The following SRSF1 variants were observed in gnomAD, a reference collection of about 807,000 sequenced individuals.
SRSF1 encodes serine and arginine rich splicing factor 1.
SRSF1 carries 1 observed loss-of-function variant against 25.9 expected under a neutral mutation model. That is an observed-to-expected ratio of 0.04 (90% CI 0.01 to 0.18). The LOEUF is 0.18. Ranked by LOEUF, SRSF1 falls within the 10% of genes least tolerant of loss-of-function variation. SRSF1 has a pLI of 1.00. For missense variants in SRSF1, 65 were observed against 350.5 expected (o/e 0.19, Z 6.50); for synonymous variants, 132 against 126.2 (o/e 1.05, Z -0.31).
chr17:57,997,639 T>G (rs1022179964), downstream of SRSF1, among the ~76,000 whole-genome samples: 1 of 152,196 alleles, frequency 6.6e-6, no homozygotes, highest in African/African-American at 2.4e-5. Context: ...GAAACCAGCT[T>G]TAACACTTCA....
Position 58,005,839 on chromosome 17 carries a change from C to T in SRSF1, c.514G>A (p.Val172Ile). 1 of 1,614,174 alleles carries T rather than the reference C, an allele frequency of 6.2e-7. No individual in the cohort carries two copies. Among genetic ancestry groups the T allele is most frequent in the East Asian group, 2.2e-5 (1 of 44,888 alleles). Residue 172 changes from valine (V) to isoleucine (I), a missense_variant, in exon 3 of 4, where the codon GTT becomes ATT. Around this residue, in one of 2 missense-constraint regions of SRSF1, gnomAD observed 63 missense variants for 284.8 expected, o/e 0.22. Transcript: ENST00000258962. The surrounding 1 kb of genome is among the most constrained non-coding windows in gnomAD (Gnocchi z 5.2). ...AACTTAGTGTTATCCAGTTTTCGAA[C>T]TGCATAGGTCATATCTTCTTTCCGT... ...FVRKEDMTYA[V>I]RKLDNTKFRS...
chr17:57,996,258 G>A (rs752064014), downstream of SRSF1, among the ~76,000 whole-genome samples: 12 of 152,092 alleles, frequency 7.9e-5, no homozygotes, highest in Non-Finnish European at 1.3e-4. Context: ...GCCGAAGCGG[G>A]CAGATCACGA....
rs1432253907 is a variant in SRSF1, at chr17:58,002,069, CATTA to C, written c.*3333_*3336del. On this transcript the variant is annotated 3_prime_UTR_variant, in exon 4 of 4. Transcript: ENST00000258962. ...GCTCACATTAACCTTCCAAAATTAT[CATTA>C]ATCATTTATTTTCCCTTTAATAATC... Among the ~76,000 whole-genome samples, 4 of 152,170 alleles carry C rather than the reference CATTA, an allele frequency of 2.6e-5. No individual in the cohort carries two copies. Among genetic ancestry groups the C allele is most frequent in the Non-Finnish European group, 1.5e-5 (1 of 68,024 alleles).
Position 58,006,511 on chromosome 17 carries a change from C to T in SRSF1, c.211G>A (p.Val71Met), listed in dbSNP as rs2075428970. ...TAATCATAGCCGTCGCGACCATACA[C>T]CGCGTCTTCCGCGTCTCTGCGGGAT... ...FEDPRDAEDAVYGRDGYDYDG... is the reference protein window; with the variant it reads ...FEDPRDAEDAMYGRDGYDYDG... The change falls in exon 2 of 4, where the codon GTG becomes ATG. Residue 71 changes from valine (V) to methionine (M), a missense_variant. Physicochemically the swap from Val to Met is conservative, Grantham distance 21. Around this residue, in one of 2 missense-constraint regions of SRSF1, gnomAD observed 63 missense variants for 284.8 expected, o/e 0.22. Coordinates refer to ENST00000258962, the MANE Select transcript of SRSF1 (RefSeq NM_006924.5). 6.2e-7 allele frequency: 1 copy of T among 1,612,570 alleles called. No homozygotes were observed. Among genetic ancestry groups the T allele is most frequent in the Non-Finnish European group, 8.5e-7 (1 of 1,179,412 alleles).
At chr17:57,992,498 A>T in the SRSF1 span, 21 of 152,304 alleles carry the variant, frequency 1.4e-4, no homozygotes, top group Non-Finnish European at 2.6e-4. Flanking sequence ...TAAAAAAAAT[A>T]AAAAAATAAA....
downstream of SRSF1, among the ~76,000 whole-genome samples, chr17:58,000,719 T>C (rs1478187398): frequency 1.3e-5 from 2 of 152,170 alleles, no homozygotes; most frequent in African/African-American, 4.8e-5. Context: ...CTGTGTATGC[T>C]AGTACAGTTC....
downstream of SRSF1, among the ~76,000 whole-genome samples, chr17:57,996,483 T>TAAAAAAAAAAA (rs10677825): frequency 1.0e-3 from 72 of 72,360 alleles, 2 homozygotes; most frequent in African/African-American, 3.5e-3. Context: ...GACACTGTCT[T>TAAAAAAAAAAA]AAAAAAAAAA....
chr17:58,002,510 T>C lies in SRSF1; in HGVS notation c.*2896A>G, dbSNP rs766647320. The stretch of plus-strand genomic sequence containing the variant: ...CTAAATAGTACCAAGGGGCTGTCAG[T>C]AGACAAATACAAGAAGTAGCAGGCT... On this transcript the variant is annotated 3_prime_UTR_variant, in exon 4 of 4. Transcript: ENST00000258962. Among the ~76,000 whole-genome samples the C allele has an allele frequency of 6.6e-6, 1 of 152,220 alleles. No homozygotes were observed. Among genetic ancestry groups the C allele is most frequent in the Non-Finnish European group, 1.5e-5 (1 of 68,032 alleles).
Position 58,005,028 on chromosome 17 carries a change from C to A in SRSF1, c.*378G>T. On this transcript the variant is annotated 3_prime_UTR_variant, in exon 4 of 4. Coordinates refer to ENST00000258962, the MANE Select transcript of SRSF1 (RefSeq NM_006924.5). The surrounding 1 kb of genome is among the most constrained non-coding windows in gnomAD (Gnocchi z 5.2). ...TTAATCCAAAGCATTCTTAATCCAT[C>A]TCTTCAGATATGTCTACAGAAAGAC... The A allele has an allele frequency of 2.4e-6, 1 of 425,348 alleles. No individual in the cohort carries two copies. The highest frequency in any genetic ancestry group is 4.1e-6 in the Non-Finnish European group (1 of 240,982). 26.3% of individuals were successfully genotyped at this position (425,348 alleles called of 1,614,324 possible). A position where few individuals can be genotyped will look rare whatever the true frequency, so the allele number is the denominator to read the frequency against.
the SRSF1 span, chr17:57,989,752 T>C: frequency 2.5e-6 from 1 of 398,542 alleles, no homozygotes. Flanking sequence ...TTCTGCAGTT[T>C]GGATCAGTAG....
chr17:57,996,484 A>AAAAAAAAG (rs2075365338), downstream of SRSF1, among the ~76,000 whole-genome samples: 3 of 4,206 alleles, frequency 7.1e-4, no homozygotes, highest in Admixed American at 3.3e-3. Context: ...ACACTGTCTT[A>AAAAAAAAG]AAAAAAAAAA....
chr17:58,001,710 C>A lies in SRSF1; in HGVS notation c.*3696G>T, dbSNP rs1213016424. Reference sequence around the variant, plus strand: ...GGGTGTAACTTTCTTCTAATAATTGCCAATACGGATAGAGACCTAAAGGTC... The same window carrying A: ...GGGTGTAACTTTCTTCTAATAATTGACAATACGGATAGAGACCTAAAGGTC... On this transcript the variant is annotated 3_prime_UTR_variant, in exon 4 of 4. Transcript: ENST00000258962. 1.3e-5 allele frequency among the ~76,000 whole-genome samples: 2 copies of A among 152,172 alleles called. No individual in the cohort carries two copies. Among genetic ancestry groups the A allele is most frequent in the African/African-American group, 2.4e-5 (1 of 41,434 alleles).
chr17:57,996,754 G>A (rs1398220066), downstream of SRSF1, among the ~76,000 whole-genome samples: 1 of 152,102 alleles, frequency 6.6e-6, no homozygotes, highest in Non-Finnish European at 1.5e-5. Context: ...GTGTTAAAAT[G>A]TATGGATGCT....
intron 2 of SRSF1, 113 bp downstream of exon 2, chr17:58,006,230 A>G: frequency 9.0e-6 from 12 of 1,334,382 alleles, no homozygotes; most frequent in Non-Finnish European, 1.2e-5. Flanking sequence ...CAAAAACTAA[A>G]GCAATTTAAG....
chr17:58,007,246 C>T lies in SRSF1; in HGVS notation c.-109G>A, dbSNP rs1420723131. 14 of 1,267,718 alleles carry T rather than the reference C, an allele frequency of 1.1e-5. No homozygotes were observed. The highest frequency in any genetic ancestry group is 2.7e-5 in the South Asian group (2 of 74,952). 78.5% of individuals were successfully genotyped at this position (1,267,718 alleles called of 1,614,324 possible). On this transcript the variant is annotated 5_prime_UTR_variant, in exon 1 of 4. Coordinates refer to ENST00000258962, the MANE Select transcript of SRSF1 (RefSeq NM_006924.5). ...GTCTCCCGCGGCCCCTCCAAAATGGCGCCTTTATCAGCTCGGCGCACGGAT... is the reference window on the plus strand; with the variant it reads ...GTCTCCCGCGGCCCCTCCAAAATGGTGCCTTTATCAGCTCGGCGCACGGAT...
chr17:57,999,726 A>AG, downstream of SRSF1, among the ~76,000 whole-genome samples: 1 of 152,318 alleles, frequency 6.6e-6, no homozygotes, highest in Non-Finnish European at 1.5e-5. Flanking sequence ...AATGGAGAGC[A>AG]GTACAGCATG....
chr17:58,002,368 G>A lies in SRSF1; in HGVS notation c.*3038C>T, dbSNP rs1598059238. ...CATTTCTTCCACTACCAAGATTTCTGGTTTTCCTTAGGTTTTTAATTGTCA... is the reference window on the plus strand; with the variant it reads ...CATTTCTTCCACTACCAAGATTTCTAGTTTTCCTTAGGTTTTTAATTGTCA... On this transcript the variant is annotated 3_prime_UTR_variant, in exon 4 of 4. Transcript: ENST00000258962. 1.3e-5 allele frequency among the ~76,000 whole-genome samples: 2 copies of A among 152,188 alleles called. No homozygotes were observed. The highest frequency in any genetic ancestry group is 4.2e-4 in the South Asian group (2 of 4,816).
downstream of SRSF1, among the ~76,000 whole-genome samples, chr17:57,999,112 T>C (rs1056016619): frequency 1.3e-5 from 2 of 152,188 alleles, no homozygotes; most frequent in African/African-American, 4.8e-5. Context: ...CAAGACAACC[T>C]GCTACTTAAG....
chr17:57,989,519 G>C, the SRSF1 span: 3 of 397,478 alleles, frequency 7.5e-6, no homozygotes, highest in African/African-American at 4.1e-5. Flanking sequence ...TTCCCCCATA[G>C]ACAATAAAAA....
Sources: allele counts gnomAD v4.1 joint callset (sites outside exome capture counted in the v4.1 genomes callset), GRCh38; gene constraint gnomAD v4.1.1; regional missense constraint gnomAD v4.1.1; non-coding constraint Gnocchi (gnomAD v3.1); transcripts MANE v1.5; gene names NCBI Gene and HGNC (gene_info 2026-07-23, HGNC 2026-07-21).